LARP4B: variants seen among roughly 807,000 people sequenced by gnomAD.
LARP4B encodes the protein la-related protein 4B.
Under a neutral mutation model 89.8 loss-of-function variants are expected in LARP4B, and 12 were observed. The observed-to-expected ratio is 0.13, with a 90% confidence interval of 0.09 to 0.22. The LOEUF (loss-of-function observed/expected upper bound fraction) is 0.22, where lower values mean the gene tolerates loss of function less well. LARP4B is among the 10% of genes least tolerant of loss of function. The pLI is 1.00. For missense variants in LARP4B, 757 were observed against 947.7 expected (o/e 0.80, Z 2.64); for synonymous variants, 367 against 363.3 (o/e 1.01, Z -0.12).
intron 14 of LARP4B, chr10:820,325 G>A (rs1832287304): frequency 6.4e-6 from 1 of 155,374 alleles, no homozygotes; most frequent in Non-Finnish European, 1.4e-5. Context: ...CTGCCAGTAA[G>A]TTATAGCAGA....
chr10:894,681 A>G (rs553209677), intron 1 of LARP4B, among the ~76,000 whole-genome samples: 329 of 152,330 alleles, frequency 2.2e-3, no homozygotes, highest in Non-Finnish European at 3.6e-3. Flanking sequence ...ATTTTAAAAG[A>G]TCTTCTTTAT....
intron 2 of LARP4B, 35 bp downstream of exon 2, chr10:885,606 A>C: frequency 6.5e-7 from 1 of 1,548,084 alleles, no homozygotes; most frequent in East Asian, 2.2e-5. Context: ...AAAAAAAGCA[A>C]TGGACTCCCC....
chr10:851,297 C>T (rs1344326970), intron 5 of LARP4B, among the ~76,000 whole-genome samples: 1 of 151,528 alleles, frequency 6.6e-6, no homozygotes, highest in Non-Finnish European at 1.5e-5. Context: ...AGTTCTCCTG[C>T]CTCAGCCTCC....
the LARP4B span, among the ~76,000 whole-genome samples, chr10:969,866 G>T: frequency 6.6e-6 from 1 of 152,332 alleles, no homozygotes; most frequent in Non-Finnish European, 1.5e-5. Context: ...CAGCTGACGG[G>T]AGTTCGTGAC....
At chr10:857,230 A>G (rs1834348666) in intron 5 of LARP4B, among the ~76,000 whole-genome samples, 1 of 152,156 alleles carries the variant, frequency 6.6e-6, no homozygotes, top group Admixed American at 6.5e-5. Flanking sequence ...AAGAACTAGG[A>G]TAAGATGCTA....
chr10:985,441 A>G, the LARP4B span: 2 of 152,244 alleles, frequency 1.3e-5, no homozygotes, highest in Admixed American at 6.5e-5. Flanking sequence ...GTGAGCAAAG[A>G]GTGAAGAAAC....
At chr10:972,367 C>T in the LARP4B span, 2 of 412,762 alleles carry the variant, frequency 4.8e-6, no homozygotes, top group Non-Finnish European at 9.5e-6. Flanking sequence ...AGGGGAAGGC[C>T]CTCACCAGAT....
the LARP4B span, among the ~76,000 whole-genome samples, chr10:965,439 C>T: frequency 1.3e-5 from 2 of 152,096 alleles, no homozygotes; most frequent in Non-Finnish European, 2.9e-5. Context: ...CCCGCTCCCC[C>T]CCGTTTCTCG....
intron 2 of LARP4B, 28 bp from the exon 3 acceptor site, chr10:884,534 C>G: frequency 6.9e-7 from 1 of 1,450,178 alleles, no homozygotes; most frequent in Non-Finnish European, 9.7e-7. Flanking sequence ...AAGACAACAT[C>G]AGTACAATGT....
Position 825,113 on chromosome 10 carries a change from C to G in LARP4B, c.1436G>C (p.Arg479Pro). The part of the protein sequence containing the change: ...AYAKREAGPG[R>P]VEPGSLESSP... Reference sequence around the variant, plus strand: ...GGATTCGAGACTGCCTGGCTCCACACGCCCAGGCCCAGCCTCTCTCTTGGC... The same window carrying G: ...GGATTCGAGACTGCCTGGCTCCACAGGCCCAGGCCCAGCCTCTCTCTTGGC... The change falls in exon 13 of 18, where the codon CGT becomes CCT. Residue 479 changes from arginine (R) to proline (P), a missense_variant. By Grantham distance (103) the Arg-to-Pro change is moderately radical. Transcript: ENST00000316157. The G allele has an allele frequency of 6.2e-7, 1 of 1,614,230 alleles. No individual in the cohort carries two copies. Among genetic ancestry groups the G allele is most frequent in the Non-Finnish European group, 8.5e-7 (1 of 1,180,030 alleles).
chr10:909,518 C>T (rs936583120), intron 1 of LARP4B, among the ~76,000 whole-genome samples: 2 of 152,026 alleles, frequency 1.3e-5, no homozygotes, highest in Admixed American at 6.5e-5. Context: ...GGCTCTGTGG[C>T]TCATGCCTGT....
chr10:904,042 T>C (rs1034462641), intron 1 of LARP4B, among the ~76,000 whole-genome samples: 7 of 152,142 alleles, frequency 4.6e-5, no homozygotes, highest in Non-Finnish European at 7.3e-5. Context: ...ATCTGAAATC[T>C]GAAATCCTCC....
chr10:978,059 A>G, the LARP4B span, among the ~76,000 whole-genome samples: 2 of 152,222 alleles, frequency 1.3e-5, no homozygotes, highest in Non-Finnish European at 2.9e-5. Context: ...GAATGAGGCC[A>G]CACATTCAGG....
chr10:877,662 G>A (rs542218774), intron 3 of LARP4B, among the ~76,000 whole-genome samples: 1 of 152,160 alleles, frequency 6.6e-6, no homozygotes, highest in Admixed American at 6.5e-5. Flanking sequence ...GACAGGTGTA[G>A]GGCTAACAGG....
At chr10:912,231 T>C (rs1230888435) in intron 1 of LARP4B, among the ~76,000 whole-genome samples, 6 of 151,696 alleles carry the variant, frequency 4.0e-5, no homozygotes, top group African/African-American at 1.2e-4. Flanking sequence ...GCCACACTGA[T>C]CTTGGGCCAC....
chr10:865,621 C>T lies in LARP4B; in HGVS notation c.142-1351G>A, dbSNP rs114042462. Among the ~76,000 whole-genome samples, 635 of 152,262 alleles carry T rather than the reference C, an allele frequency of 4.2e-3. 7 individuals are homozygous for T. Among genetic ancestry groups the T allele is most frequent in the African/African-American group, 0.014 (583 of 41,544 alleles). ...GTCCTTCCTGACACAGCGAATAAAC[C>T]CACAAAAGTCCCCCACCATGTGGAT... On this transcript the variant is annotated intron_variant, in intron 3 of 17. Transcript: ENST00000316157.
chr10:896,179 A>G (rs933043226), intron 1 of LARP4B, among the ~76,000 whole-genome samples: 8 of 152,268 alleles, frequency 5.3e-5, no homozygotes, highest in African/African-American at 1.9e-4. Flanking sequence ...ATGGTTCTCA[A>G]TGTGTGGTGT....
the LARP4B span, among the ~76,000 whole-genome samples, chr10:965,777 G>C: frequency 6.6e-6 from 1 of 151,598 alleles, no homozygotes; most frequent in South Asian, 2.1e-4. Context: ...TTCTGGGAGA[G>C]AGTTATGTCT....
At chr10:946,058 C>A in the LARP4B span, among the ~76,000 whole-genome samples, 2 of 152,140 alleles carry the variant, frequency 1.3e-5, no homozygotes, top group Non-Finnish European at 2.9e-5. Flanking sequence ...CCCCATGCAG[C>A]GGTGTGTCTA....
Sources: allele counts gnomAD v4.1 joint callset (sites outside exome capture counted in the v4.1 genomes callset), GRCh38; gene constraint gnomAD v4.1.1; transcripts MANE v1.5; gene names NCBI Gene and HGNC (gene_info 2026-07-23, HGNC 2026-07-21).